The following SHOC1 variants were observed in gnomAD, a reference collection of about 807,000 sequenced individuals.
SHOC1 encodes the protein shortage in chiasmata 1, also known as protein shortage in chiasmata 1 ortholog.
Under a neutral mutation model 179.2 loss-of-function variants are expected in SHOC1, and 136 were observed. The ratio of observed to expected loss-of-function variants is 0.76; its 90% CI spans 0.66 to 0.87. The LOEUF (loss-of-function observed/expected upper bound fraction) is 0.87, where lower values mean the gene tolerates loss of function less well. SHOC1 is among the 40% of genes least tolerant of loss of function. SHOC1 has a pLI of 0.00. For synonymous variants in SHOC1, 489 were observed against 586.6 expected, an observed-to-expected ratio of 0.83 and a Z score of 2.41; for missense variants, 1,538 against 1,700.8, an observed-to-expected ratio of 0.90 and a Z score of 1.68.
At chr9:111,738,240 A>C in intron 12 of SHOC1, 40 bp downstream of exon 12, 2 of 1,546,324 alleles carry the variant, frequency 1.3e-6, no homozygotes, top group South Asian at 2.3e-5. Flanking sequence ...TCACATTCTG[A>C]AAATGTTTAC....
At chr9:111,720,186 A>G (rs761861520) in intron 15 of SHOC1, among the ~76,000 whole-genome samples, 1 of 152,196 alleles carries the variant, frequency 6.6e-6, no homozygotes, top group Non-Finnish European at 1.5e-5. Flanking sequence ...AGTGATTACC[A>G]CCATGTGGAC....
At chr9:111,704,234 A>G (rs775560839) in intron 21 of SHOC1, among the ~76,000 whole-genome samples, 2 of 152,234 alleles carry the variant, frequency 1.3e-5, no homozygotes, top group African/African-American at 2.4e-5. Flanking sequence ...ACGTAACACT[A>G]TTACAAATGT....
chr9:111,728,181 T>C, intron 12 of SHOC1, 132 bp from the exon 13 acceptor site: 1 of 623,270 alleles, frequency 1.6e-6, no homozygotes, highest in Non-Finnish European at 2.5e-6. Context: ...TGTTTACTGC[T>C]TTGAAAATCA....
chr9:111,758,639 C>A, intron 6 of SHOC1, 56 bp downstream of exon 6: 1 of 1,450,084 alleles, frequency 6.9e-7, no homozygotes, highest in South Asian at 1.4e-5. Flanking sequence ...TGTGATCATA[C>A]TAAAACATTT....
At chr9:111,781,491 G>A (rs913099158) in intron 3 of SHOC1, among the ~76,000 whole-genome samples, 9 of 152,188 alleles carry the variant, frequency 5.9e-5, no homozygotes, top group Admixed American at 5.9e-4. Context: ...GAAAGGCTGA[G>A]GTAGGCAGAT....
At chr9:111,722,734 T>G in intron 14 of SHOC1, 149 bp from the exon 15 acceptor site, 1 of 171,734 alleles carries the variant, frequency 5.8e-6, no homozygotes, top group Non-Finnish European at 1.0e-5. Flanking sequence ...AAAAACTTAT[T>G]TTAAGATATT....
intron 10 of SHOC1, among the ~76,000 whole-genome samples, chr9:111,745,619 C>G (rs1238494665): frequency 1.3e-5 from 2 of 152,170 alleles, no homozygotes; most frequent in African/African-American, 4.8e-5. Context: ...AAAGGGACAT[C>G]TATAAGCCAA....
intron 12 of SHOC1, among the ~76,000 whole-genome samples, chr9:111,735,882 A>T (rs1043970215): frequency 5.3e-5 from 8 of 152,162 alleles, no homozygotes; most frequent in Admixed American, 3.3e-4. Flanking sequence ...CGCCATTCTA[A>T]CTGGCGTGAG....
chr9:111,768,830 T>C (rs1835458011), intron 5 of SHOC1, among the ~76,000 whole-genome samples: 1 of 152,174 alleles, frequency 6.6e-6, no homozygotes, highest in Admixed American at 6.6e-5. Flanking sequence ...GACATCGTTG[T>C]CTTATTTCAG....
At chr9:111,731,811 C>A (rs756044407) in intron 12 of SHOC1, among the ~76,000 whole-genome samples, 15 of 151,686 alleles carry the variant, frequency 9.9e-5, no homozygotes, top group Admixed American at 3.9e-4. Flanking sequence ...TAAAACATAT[C>A]ATTCATGTTT....
chr9:111,706,824 T>A (rs1162015783), intron 19 of SHOC1, 78 bp from the exon 20 acceptor site: 3 of 998,956 alleles, frequency 3.0e-6, no homozygotes, highest in Admixed American at 5.6e-5. Context: ...GATGACTGTT[T>A]TCTGGCTGTT....
intron 5 of SHOC1, among the ~76,000 whole-genome samples, chr9:111,770,082 C>G (rs996067017): frequency 8.5e-6 from 1 of 117,326 alleles, no homozygotes; most frequent in Non-Finnish European, 1.8e-5. Flanking sequence ...TTTGTTCTTT[C>G]TTTTCTAGTG....
At chr9:111,756,043 ACCT>A in intron 8 of SHOC1, among the ~76,000 whole-genome samples, 1 of 152,068 alleles carries the variant, frequency 6.6e-6, no homozygotes, top group African/African-American at 2.4e-5. Flanking sequence ...AATCGCTTGA[ACCT>A]GGGAGGCGGA....
At chr9:111,745,867 C>A (rs1305017481) in intron 10 of SHOC1, among the ~76,000 whole-genome samples, 1 of 152,104 alleles carries the variant, frequency 6.6e-6, no homozygotes, top group Non-Finnish European at 1.5e-5. Flanking sequence ...TATTCCAATG[C>A]CAGGATCTTC....
chr9:111,765,414 A>T (rs371189459), intron 5 of SHOC1, among the ~76,000 whole-genome samples: 1 of 152,002 alleles, frequency 6.6e-6, no homozygotes, highest in African/African-American at 2.4e-5. Flanking sequence ...CCTGGCCAAC[A>T]TGGGGAAACC....
At chr9:111,782,206 C>T (rs533704038) in intron 3 of SHOC1, among the ~76,000 whole-genome samples, 30 of 152,118 alleles carry the variant, frequency 2.0e-4, no homozygotes, top group African/African-American at 6.7e-4. Context: ...AGTAAGACTT[C>T]ATATCAAAAT....
In SHOC1 at chr9:111,707,837, G is replaced by A. The variant is rs561967889; in HGVS notation, c.2558+18C>T. Reference sequence around the variant, plus strand: ...ACTGGTACGTTTGTTCCTCACAGATGAAGGAATGAATTTTTACCCCCTTAA... The same window carrying A: ...ACTGGTACGTTTGTTCCTCACAGATAAAGGAATGAATTTTTACCCCCTTAA... On this transcript the variant is annotated intron_variant, in intron 19 of 27. Transcript: ENST00000682961. 38 of 1,501,452 alleles carry A rather than the reference G, an allele frequency of 2.5e-5. No homozygotes were observed. In the Middle Eastern group the frequency reaches 6.8e-4, roughly 27 times the overall value. 93.0% of individuals were successfully genotyped at this position (1,501,452 alleles called of 1,614,324 possible).
chr9:111,732,872 A>T (rs1409794214), intron 12 of SHOC1, among the ~76,000 whole-genome samples: 3 of 152,342 alleles, frequency 2.0e-5, no homozygotes, highest in Admixed American at 1.3e-4. Context: ...TTTCACAGGC[A>T]TATACTTGTC....
intron 14 of SHOC1, among the ~76,000 whole-genome samples, chr9:111,723,003 A>C (rs1833137637): frequency 6.6e-6 from 1 of 152,012 alleles, no homozygotes; most frequent in Non-Finnish European, 1.5e-5. Flanking sequence ...GATGGTCTCG[A>C]TCTCTTGACC....
Sources: allele counts gnomAD v4.1 joint callset (sites outside exome capture counted in the v4.1 genomes callset), GRCh38; gene constraint gnomAD v4.1.1; transcripts MANE v1.5; gene names NCBI Gene and HGNC (gene_info 2026-07-23, HGNC 2026-07-21).